IQSEC1: variants seen among roughly 807,000 people sequenced by gnomAD.
The protein encoded by IQSEC1 is IQ motif and SEC7 domain-containing protein 1.
Under a neutral mutation model 91.0 loss-of-function variants are expected in IQSEC1, and 31 were observed. The ratio of observed to expected loss-of-function variants is 0.34; its 90% CI spans 0.26 to 0.46. IQSEC1 has a LOEUF of 0.46. Among genes scored for constraint, IQSEC1 ranks in the 20% least tolerant of loss-of-function variants. IQSEC1 has a pLI of 1.00. For synonymous variants in IQSEC1, 699 were observed against 662.6 expected (o/e 1.05, Z -0.84); for missense variants, 1,388 against 1,575.6 (o/e 0.88, Z 2.02).
At chr3:13,041,620 T>C (rs1034486666) in intron 1 of IQSEC1, among the ~76,000 whole-genome samples, 2 of 152,134 alleles carry the variant, frequency 1.3e-5, no homozygotes, top group African/African-American at 4.8e-5. Context: ...GGTTCTTTCT[T>C]GACCAAGGTG....
intron 1 of IQSEC1, among the ~76,000 whole-genome samples, chr3:13,184,275 A>G (rs1303553271): frequency 2.0e-5 from 3 of 152,258 alleles, no homozygotes; most frequent in African/African-American, 7.2e-5. Context: ...AAATGCTAGC[A>G]AATAAAATCC....
chr3:12,932,395 A>G (rs937925354), intron 3 of IQSEC1, among the ~76,000 whole-genome samples: 5 of 152,196 alleles, frequency 3.3e-5, no homozygotes, highest in Non-Finnish European at 5.9e-5. Context: ...TCAGGAGCCA[A>G]GTGGCCAGGG....
chr3:12,902,397 C>T (rs750638941), intron 13 of IQSEC1, among the ~76,000 whole-genome samples: 9 of 151,552 alleles, frequency 5.9e-5, no homozygotes, highest in Admixed American at 1.3e-4. Flanking sequence ...GAGTGGGAGC[C>T]GGGTGGCCCG....
intron 2 of IQSEC1, among the ~76,000 whole-genome samples, chr3:13,140,280 AG>A (rs1482125488): frequency 1.3e-5 from 2 of 152,214 alleles, no homozygotes; most frequent in African/African-American, 4.8e-5. Flanking sequence ...TTGTGAGAAC[AG>A]GGCTCATGGC....
At chr3:13,012,273 G>A (rs1257200507) in intron 1 of IQSEC1, among the ~76,000 whole-genome samples, 1 of 152,110 alleles carries the variant, frequency 6.6e-6, no homozygotes, top group African/African-American at 2.4e-5. Flanking sequence ...TCCTGAACCC[G>A]ACCCTAGGCC....
At chr3:12,969,408 A>T (rs1290927271) in intron 1 of IQSEC1, among the ~76,000 whole-genome samples, 1 of 152,198 alleles carries the variant, frequency 6.6e-6, no homozygotes, top group East Asian at 1.9e-4. Flanking sequence ...AGGCCATAAT[A>T]AAAAAGATGG....
intron 2 of IQSEC1, among the ~76,000 whole-genome samples, chr3:13,163,270 T>C (rs1707212679): frequency 6.6e-6 from 1 of 152,014 alleles, no homozygotes; most frequent in Admixed American, 6.6e-5. Flanking sequence ...ACGGCCAAGC[T>C]CAGGACATCT....
intron 2 of IQSEC1, among the ~76,000 whole-genome samples, chr3:13,138,410 G>GCA (rs1706746052): frequency 1.3e-5 from 2 of 151,920 alleles, no homozygotes; most frequent in Non-Finnish European, 2.9e-5. Flanking sequence ...CAGAGACCCT[G>GCA]ATGCCCCATG....
At chr3:13,078,288 C>G (rs1705594190), upstream of IQSEC1, among the ~76,000 whole-genome samples, 1 of 152,114 alleles carries the variant, frequency 6.6e-6, no homozygotes, top group Non-Finnish European at 1.5e-5. Flanking sequence ...CTGAAGGATG[C>G]AGGGCGGTGT....
intron 2 of IQSEC1, among the ~76,000 whole-genome samples, chr3:13,138,433 T>C (rs1706746639): frequency 6.6e-6 from 1 of 151,950 alleles, no homozygotes; most frequent in African/African-American, 2.4e-5. Flanking sequence ...GAGCCTCAGC[T>C]TCTGCAACAC....
chr3:13,227,668 G>A (rs773387512), intron 1 of IQSEC1, among the ~76,000 whole-genome samples: 23 of 152,114 alleles, frequency 1.5e-4, no homozygotes, highest in Admixed American at 2.0e-4. Context: ...AACCAGGAGA[G>A]AGCTGGCAGT....
At chr3:13,097,214 C>T (rs954917097) in intron 2 of IQSEC1, among the ~76,000 whole-genome samples, 15 of 152,184 alleles carry the variant, frequency 9.9e-5, no homozygotes, top group African/African-American at 3.4e-4. Context: ...CAGAGGGAAG[C>T]GATCGCCCCT....
In IQSEC1 at chr3:13,055,522, T is replaced by C. The variant is rs76037869; in HGVS notation, c.23+17470A>G. ...GATATTCTCCTCCCCACTTTACAGATGTGAAAACGGAGGCACCTAGCCATG... is the reference window on the plus strand; with the variant it reads ...GATATTCTCCTCCCCACTTTACAGACGTGAAAACGGAGGCACCTAGCCATG... On this transcript the variant is annotated intron_variant, in intron 1 of 13. Coordinates refer to ENST00000613206, the MANE Select transcript of IQSEC1 (RefSeq NM_001134382.3). 1.7e-3 allele frequency among the ~76,000 whole-genome samples: 260 copies of C among 152,292 alleles called. 5 individuals are homozygous for C. In the East Asian group the frequency reaches 0.04, roughly 24 times the overall value.
At chr3:13,180,971 C>T (rs1693831865) in intron 1 of IQSEC1, among the ~76,000 whole-genome samples, 1 of 152,324 alleles carries the variant, frequency 6.6e-6, no homozygotes, top group East Asian at 1.9e-4. Context: ...CAATTCCGGA[C>T]ACAAAAATAT....
intron 1 of IQSEC1, among the ~76,000 whole-genome samples, chr3:13,041,506 C>T (rs933854544): frequency 5.3e-5 from 8 of 152,210 alleles, no homozygotes; most frequent in African/African-American, 1.7e-4. Context: ...AAACTAATTC[C>T]CTCAGAATAG....
chr3:13,003,738 G>A (rs1050390411), intron 1 of IQSEC1, among the ~76,000 whole-genome samples: 8 of 152,210 alleles, frequency 5.3e-5, no homozygotes, highest in Non-Finnish European at 1.2e-4. Context: ...GGCGAAATGT[G>A]ACTTTTAAGT....
chr3:13,112,983 T>C (rs1343986614), intron 2 of IQSEC1, among the ~76,000 whole-genome samples: 9 of 152,234 alleles, frequency 5.9e-5, no homozygotes, highest in Non-Finnish European at 1.2e-4. Flanking sequence ...GGCTGGCGCA[T>C]CATAAACTCA....
chr3:12,911,811 TG>T, intron 9 of IQSEC1, 83 bp from the exon 10 acceptor site: 1 of 956,130 alleles, frequency 1.0e-6, no homozygotes, highest in Non-Finnish European at 1.7e-6. Context: ...AGGATCCTCC[TG>T]GAGTTCAAAG....
intron 1 of IQSEC1, chr3:13,022,105 G>A: frequency 8.1e-7 from 1 of 1,231,846 alleles, no homozygotes; most frequent in Non-Finnish European, 1.0e-6. Flanking sequence ...CTTCATGCCT[G>A]GCTCGGTGGA....
Sources: allele counts gnomAD v4.1 joint callset (sites outside exome capture counted in the v4.1 genomes callset), GRCh38; gene constraint gnomAD v4.1.1; transcripts MANE v1.5; gene names NCBI Gene and HGNC (gene_info 2026-07-23, HGNC 2026-07-21).